SORCS1: variants seen among roughly 807,000 people sequenced by gnomAD.
SORCS1 encodes VPS10 domain-containing receptor SorCS1.
A neutral mutation model predicts 146.1 loss-of-function variants in SORCS1; 60 were observed. The ratio of observed to expected loss-of-function variants is 0.41; its 90% confidence interval spans 0.33 to 0.51. The LOEUF (loss-of-function observed/expected upper bound fraction) is 0.51. SORCS1 is among the 20% of genes least tolerant of loss of function. The pLI, the probability that SORCS1 is intolerant of heterozygous loss-of-function variation, is 0.21. For synonymous variants in SORCS1, 637 were observed against 584.0 expected, an observed-to-expected ratio of 1.09 and a Z score of -1.31; for missense variants, 1,352 against 1,487.6, an observed-to-expected ratio of 0.91 and a Z score of 1.50.
chr10:107,144,060 T>TC (rs1350196268), intron 1 of SORCS1, among the ~76,000 whole-genome samples: 8 of 152,274 alleles, frequency 5.3e-5, no homozygotes, highest in Admixed American at 2.0e-4. Flanking sequence ...CCTTTTGTGC[T>TC]CTGAGGGGCC....
chr10:107,008,012 A>G (rs1266438454), intron 1 of SORCS1, among the ~76,000 whole-genome samples: 1 of 148,114 alleles, frequency 6.8e-6, no homozygotes, highest in Non-Finnish European at 1.5e-5. Flanking sequence ...AGATTTATTT[A>G]TTTGTCTATT....
intron 2 of SORCS1, among the ~76,000 whole-genome samples, chr10:106,953,598 C>T (rs1283733719): frequency 3.9e-5 from 6 of 152,040 alleles, no homozygotes; most frequent in Admixed American, 6.6e-5. Flanking sequence ...GTGAGTTTCT[C>T]ATTGTGTGAA....
chr10:106,663,940 C>T (rs548199857), intron 17 of SORCS1, among the ~76,000 whole-genome samples: 1 of 152,196 alleles, frequency 6.6e-6, no homozygotes, highest in Non-Finnish European at 1.5e-5. Context: ...GAGAGCAGGA[C>T]ATTTACCATA....
chr10:106,612,024 C>T lies in SORCS1; in HGVS notation c.2921-1G>A, dbSNP rs765176230. 1 of 1,611,802 alleles carries T rather than the reference C, an allele frequency of 6.2e-7. No individual in the cohort carries two copies. The highest frequency in any genetic ancestry group is 8.5e-7 in the Non-Finnish European group (1 of 1,177,944). ...GACAAGCGAAGAGACCGGAATTCCT[C>T]TGGGGATATAACAGTAGATGGAGTA... On this transcript the variant is annotated splice_acceptor_variant, in intron 21 of 25. Transcript: ENST00000263054. LOFTEE classifies it high-confidence loss of function.
At chr10:107,113,735 T>C (rs1444955163) in intron 1 of SORCS1, among the ~76,000 whole-genome samples, 1 of 148,642 alleles carries the variant, frequency 6.7e-6, no homozygotes. Context: ...AAACAACCTA[T>C]TGTTACACCT....
intron 1 of SORCS1, among the ~76,000 whole-genome samples, chr10:106,982,377 T>C (rs1252157904): frequency 6.6e-6 from 1 of 152,174 alleles, no homozygotes; most frequent in East Asian, 1.9e-4. Context: ...GTAAGGATCA[T>C]ACTTTTTCAA....
chr10:107,087,282 C>CT (rs560233796), intron 1 of SORCS1, among the ~76,000 whole-genome samples: 25 of 149,460 alleles, frequency 1.7e-4, no homozygotes, highest in Middle Eastern at 3.4e-3. Flanking sequence ...AACAATCCTT[C>CT]TTTTTTTTTT....
intron 2 of SORCS1, among the ~76,000 whole-genome samples, chr10:106,837,979 C>T (rs1342358525): frequency 6.6e-6 from 1 of 152,114 alleles, no homozygotes; most frequent in African/African-American, 2.4e-5. Context: ...TGTCTTTCTC[C>T]ATGGGAACAG....
At chr10:107,049,130 A>G (rs1935961864) in intron 1 of SORCS1, among the ~76,000 whole-genome samples, 1 of 151,350 alleles carries the variant, frequency 6.6e-6, no homozygotes, top group African/African-American at 2.4e-5. Flanking sequence ...CATGGATGAA[A>G]TTGGAAATCA....
intron 5 of SORCS1, among the ~76,000 whole-genome samples, chr10:106,758,005 C>T (rs112700171): frequency 4.7e-4 from 71 of 152,310 alleles, no homozygotes; most frequent in African/African-American, 1.7e-3. Flanking sequence ...TGTTGCACTA[C>T]TAAGACGTGA....
At chr10:106,688,112 G>A in intron 10 of SORCS1, 80 bp downstream of exon 10, 1 of 1,540,506 alleles carries the variant, frequency 6.5e-7, no homozygotes, top group East Asian at 2.3e-5. Context: ...AAAAGTCCCA[G>A]AACTATCCTC....
intron 3 of SORCS1, among the ~76,000 whole-genome samples, chr10:106,821,937 A>T (rs550293449): frequency 5.3e-5 from 8 of 152,216 alleles, no homozygotes; most frequent in East Asian, 3.9e-4. Context: ...AATAAAAAAA[A>T]AAAAAAGTAC....
In SORCS1 at chr10:106,904,856, G is replaced by A. The variant is rs74829012; in HGVS notation, c.626+51657C>T. ...TACTAACTTCAAGAAGTCAAATTAC[G>A]TAATTAAACACATCTTAAATAAAAA... On this transcript the variant is annotated intron_variant, in intron 2 of 25. Coordinates refer to ENST00000263054, the MANE Select transcript of SORCS1 (RefSeq NM_052918.5). Among the ~76,000 whole-genome samples, 137 of 152,232 alleles carry A rather than the reference G, an allele frequency of 9.0e-4. 1 individual carries two copies. The East Asian group carries it at 0.025, about 28-fold the overall frequency.
At chr10:106,980,181 C>T (rs1956192137) in intron 1 of SORCS1, among the ~76,000 whole-genome samples, 1 of 152,118 alleles carries the variant, frequency 6.6e-6, no homozygotes, top group Admixed American at 6.5e-5. Flanking sequence ...ACAAAAAAAG[C>T]AAATCAGAGA....
chr10:106,862,214 A>G (rs989925269), intron 2 of SORCS1, among the ~76,000 whole-genome samples: 6 of 152,212 alleles, frequency 3.9e-5, no homozygotes, highest in Admixed American at 2.6e-4. Context: ...ATGGATAAAT[A>G]TCATCCCCAA....
intron 2 of SORCS1, among the ~76,000 whole-genome samples, chr10:106,924,462 TATCG>T (rs201261246): frequency 0.19 from 19,141 of 98,552 alleles, 1,310 homozygotes; most frequent in South Asian, 0.24. Flanking sequence ...ATTCCACAGT[TATCG>T]ATCTATCTAT....
At chr10:107,017,665 A>G (rs1957955917) in intron 1 of SORCS1, among the ~76,000 whole-genome samples, 1 of 152,228 alleles carries the variant, frequency 6.6e-6, no homozygotes, top group South Asian at 2.1e-4. Context: ...TTATTTCTAT[A>G]TATTTTTTGA....
At chr10:106,657,269 C>T (rs1480017679) in intron 17 of SORCS1, among the ~76,000 whole-genome samples, 1 of 152,100 alleles carries the variant, frequency 6.6e-6, no homozygotes, top group Non-Finnish European at 1.5e-5. Flanking sequence ...GAATACTACT[C>T]AGTCATAAAA....
At chr10:106,867,292 T>TC (rs958994800) in intron 2 of SORCS1, among the ~76,000 whole-genome samples, 2 of 151,386 alleles carry the variant, frequency 1.3e-5, no homozygotes, top group African/African-American at 2.4e-5. Flanking sequence ...ATTAAATTTT[T>TC]TTTTTTTTTT....
Sources: gnomAD v4.1 joint callset for allele counts (sites outside exome capture counted in the v4.1 genomes callset) on GRCh38, gnomAD v4.1.1 for gene constraint, MANE v1.5 for transcripts, NCBI Gene and HGNC (gene_info 2026-07-23, HGNC 2026-07-21) for gene names.